NRXN3: variants seen among roughly 807,000 people sequenced by gnomAD.
NRXN3 encodes neurexin 3.
NRXN3 carries 32 observed loss-of-function variants against 137.6 expected under a neutral mutation model. The ratio of observed to expected loss-of-function variants is 0.23; its 90% CI spans 0.18 to 0.31. The LOEUF (loss-of-function observed/expected upper bound fraction) is 0.31, where lower values mean the gene tolerates loss of function less well. Ranked by LOEUF, NRXN3 falls within the 10% of genes least tolerant of loss-of-function variation. The probability of loss-of-function intolerance (pLI) is 1.00; values close to 1 mark genes in which losing one functional copy is unlikely to be tolerated. For synonymous variants in NRXN3, 798 were observed against 784.5 expected, an observed-to-expected ratio of 1.02 and a Z score of -0.29; for missense variants, 1,574 against 2,062.5, an observed-to-expected ratio of 0.76 and a Z score of 4.59.
intron 4 of NRXN3, among the ~76,000 whole-genome samples, chr14:78,327,928 T>A (rs1032882321): frequency 6.6e-6 from 1 of 151,960 alleles, no homozygotes; most frequent in Non-Finnish European, 1.5e-5. Context: ...CGCTGCTTCA[T>A]GTCAGTGAGG....
At chr14:78,743,595 C>T (rs1231185347) in intron 8 of NRXN3, among the ~76,000 whole-genome samples, 1 of 152,162 alleles carries the variant, frequency 6.6e-6, no homozygotes, top group African/African-American at 2.4e-5. Context: ...CAAAAGATAA[C>T]TCTTATCACA....
chr14:79,772,663 C>G (rs1480551353), intron 19 of NRXN3, among the ~76,000 whole-genome samples: 1 of 152,096 alleles, frequency 6.6e-6, no homozygotes, highest in African/African-American at 2.4e-5. Flanking sequence ...AGACCTAAAA[C>G]CATAAAAACC....
At chr14:79,228,139 T>C (rs567149653) in intron 15 of NRXN3, among the ~76,000 whole-genome samples, 2 of 152,258 alleles carry the variant, frequency 1.3e-5, no homozygotes, top group Admixed American at 6.5e-5. Flanking sequence ...ACCTTTTTAA[T>C]GGAACTGATG....
intron 16 of NRXN3, among the ~76,000 whole-genome samples, chr14:79,507,389 T>A (rs953329098): frequency 2.6e-5 from 4 of 152,222 alleles, no homozygotes; most frequent in African/African-American, 9.6e-5. Flanking sequence ...AACTTCTATG[T>A]GTCTAAAATT....
At chr14:79,813,372 T>G (rs1233377711) in intron 20 of NRXN3, among the ~76,000 whole-genome samples, 3 of 152,222 alleles carry the variant, frequency 2.0e-5, no homozygotes, top group Non-Finnish European at 4.4e-5. Context: ...CTTGTATATA[T>G]TTGAAGAACA....
chr14:78,263,029 A>G (rs1323048119), intron 2 of NRXN3, among the ~76,000 whole-genome samples: 1 of 139,692 alleles, frequency 7.2e-6, no homozygotes. Context: ...TAAACAATGT[A>G]GTACATTTTT....
At chr14:78,217,948 C>T (rs976540686) in intron 1 of NRXN3, among the ~76,000 whole-genome samples, 2 of 152,120 alleles carry the variant, frequency 1.3e-5, no homozygotes, top group African/African-American at 4.8e-5. Context: ...GGCATAAGCC[C>T]CCACATCTGG....
intron 4 of NRXN3, among the ~76,000 whole-genome samples, chr14:78,377,296 T>C (rs1289388838): frequency 6.6e-6 from 1 of 152,230 alleles, no homozygotes; most frequent in Non-Finnish European, 1.5e-5. Context: ...GAGCAAAGAC[T>C]GTTGCCAGAG....
intron 4 of NRXN3, among the ~76,000 whole-genome samples, chr14:78,602,224 G>T (rs1002308959): frequency 1.7e-4 from 25 of 149,236 alleles, no homozygotes; most frequent in African/African-American, 5.7e-4. Context: ...AATACATGTA[G>T]GGTATATAGG....
chr14:79,359,142 C>T (rs1360895873), intron 15 of NRXN3, among the ~76,000 whole-genome samples: 1 of 152,178 alleles, frequency 6.6e-6, no homozygotes, highest in South Asian at 2.1e-4. Flanking sequence ...ATGCCTGTTT[C>T]CACCTTCCAA....
At chr14:79,281,585 G>A (rs1333405997) in intron 15 of NRXN3, among the ~76,000 whole-genome samples, 4 of 152,026 alleles carry the variant, frequency 2.6e-5, no homozygotes, top group African/African-American at 9.7e-5. Context: ...TGGGGGTGGG[G>A]TGGGAATAGC....
intron 4 of NRXN3, among the ~76,000 whole-genome samples, chr14:78,353,284 T>C (rs2083814604): frequency 6.6e-6 from 1 of 152,170 alleles, no homozygotes; most frequent in Non-Finnish European, 1.5e-5. Context: ...CCATTTGGGC[T>C]ACTAAAACAA....
chr14:79,712,847 G>A (rs186806300), intron 19 of NRXN3, among the ~76,000 whole-genome samples: 5 of 152,128 alleles, frequency 3.3e-5, no homozygotes, highest in Non-Finnish European at 7.3e-5. Flanking sequence ...TCGTCATGCT[G>A]GAAAATCCCT....
intron 2 of NRXN3, among the ~76,000 whole-genome samples, chr14:78,256,037 C>T (rs1053747271): frequency 6.6e-6 from 1 of 152,134 alleles, no homozygotes; most frequent in Non-Finnish European, 1.5e-5. Flanking sequence ...AGCACATACA[C>T]ATTCCGCTTG....
At chr14:79,278,656 T>C (rs1209252485) in intron 15 of NRXN3, among the ~76,000 whole-genome samples, 1 of 152,174 alleles carries the variant, frequency 6.6e-6, no homozygotes, top group East Asian at 1.9e-4. Flanking sequence ...GACGATAACC[T>C]CTGGATTTTG....
At chr14:78,183,565 G>A (rs1009923048) in intron 1 of NRXN3, among the ~76,000 whole-genome samples, 13 of 152,236 alleles carry the variant, frequency 8.5e-5, no homozygotes, top group Admixed American at 2.0e-4. Flanking sequence ...TGAAAGGTTT[G>A]CCAGGATGTG....
chr14:78,966,620 A>G (rs1049085140), intron 12 of NRXN3, among the ~76,000 whole-genome samples: 11 of 152,216 alleles, frequency 7.2e-5, no homozygotes, highest in African/African-American at 2.7e-4. Flanking sequence ...CACTAACTCA[A>G]CACTAACAGA....
chr14:79,452,167 A>G lies in NRXN3; in HGVS notation c.3263-15054A>G, dbSNP rs186289216. 6.4e-3 allele frequency among the ~76,000 whole-genome samples: 978 copies of G among 152,232 alleles called. 8 individuals are homozygous for G. The highest frequency in any genetic ancestry group is 0.022 in the African/African-American group (905 of 41,532). ...AAAGCAGTTTCCAATCTAAGTGCAC[A>G]TGGGGTATGCCAAAATCTTTGCACA... On this transcript the variant is annotated intron_variant, in intron 15 of 20. Coordinates refer to ENST00000335750, the MANE Select transcript of NRXN3 (RefSeq NM_001330195.2).
intron 15 of NRXN3, among the ~76,000 whole-genome samples, chr14:79,339,241 G>A (rs1471760911): frequency 6.6e-6 from 1 of 152,190 alleles, no homozygotes; most frequent in Non-Finnish European, 1.5e-5. Flanking sequence ...ACATTGTAAA[G>A]TGTGACCTAG....
Sources: allele counts gnomAD v4.1 joint callset (sites outside exome capture counted in the v4.1 genomes callset), GRCh38; gene constraint gnomAD v4.1.1; transcripts MANE v1.5; gene names NCBI Gene and HGNC (gene_info 2026-07-23, HGNC 2026-07-21).